CSNK2A2IP: variants seen among roughly 807,000 people sequenced by gnomAD.
CSNK2A2IP encodes casein kinase II subunit alpha'-interacting protein.
At chr3:88,347,901 C>T in the CSNK2A2IP span, among the ~76,000 whole-genome samples, 1 of 151,884 alleles carries the variant, frequency 6.6e-6, no homozygotes. Context: ...TGAGTATCTC[C>T]TGTATTTGCT....
chr3:88,383,400 A>G, the CSNK2A2IP span, among the ~76,000 whole-genome samples: 1 of 152,188 alleles, frequency 6.6e-6, no homozygotes, highest in African/African-American at 2.4e-5. Context: ...GATGATGACA[A>G]TGCACACTTC....
At chr3:88,392,053 G>T in the CSNK2A2IP span, among the ~76,000 whole-genome samples, 1 of 152,152 alleles carries the variant, frequency 6.6e-6, no homozygotes, top group Admixed American at 6.5e-5. Context: ...AGAATCAAAA[G>T]AATTTGTAGT....
At chr3:88,378,613 T>TCTGTA in the CSNK2A2IP span, among the ~76,000 whole-genome samples, 4 of 152,050 alleles carry the variant, frequency 2.6e-5, no homozygotes, top group Non-Finnish European at 5.9e-5. Flanking sequence ...GCTAATGGCT[T>TCTGTA]CTGTACTGAA....
At chr3:88,423,552 T>C in the CSNK2A2IP span, among the ~76,000 whole-genome samples, 1 of 152,048 alleles carries the variant, frequency 6.6e-6, no homozygotes, top group Non-Finnish European at 1.5e-5. Context: ...CAGGTCCTTG[T>C]AGCATGGAAA....
At chr3:88,418,892 T>G in the CSNK2A2IP span, among the ~76,000 whole-genome samples, 1 of 152,088 alleles carries the variant, frequency 6.6e-6, no homozygotes. Context: ...GTATTTACAG[T>G]TTTTCACATC....
the CSNK2A2IP span, among the ~76,000 whole-genome samples, chr3:88,350,050 A>G: frequency 1.3e-5 from 2 of 152,124 alleles, no homozygotes; most frequent in Non-Finnish European, 2.9e-5. Flanking sequence ...CAATAAAATG[A>G]ACAATATGAT....
the CSNK2A2IP span, among the ~76,000 whole-genome samples, chr3:88,371,504 A>T: frequency 6.6e-6 from 1 of 151,816 alleles, no homozygotes; most frequent in Non-Finnish European, 1.5e-5. Context: ...TATCCAACAC[A>T]AAGGGCAGAA....
chr3:88,385,664 AAAGC>A, the CSNK2A2IP span, among the ~76,000 whole-genome samples: 1 of 152,336 alleles, frequency 6.6e-6, no homozygotes, highest in East Asian at 1.9e-4. Flanking sequence ...AGAAATTGGT[AAAGC>A]AAGCAAGGGA....
At chr3:88,421,442 A>C in the CSNK2A2IP span, among the ~76,000 whole-genome samples, 1 of 152,042 alleles carries the variant, frequency 6.6e-6, no homozygotes, top group South Asian at 2.1e-4. Context: ...TTTGAGATGG[A>C]GTCTCACTCT....
the CSNK2A2IP span, among the ~76,000 whole-genome samples, chr3:88,380,958 T>TATATACA: frequency 6.6e-6 from 1 of 152,222 alleles, no homozygotes. Context: ...GAGTTTGGGA[T>TATATACA]GATGTATATT....
the CSNK2A2IP span, among the ~76,000 whole-genome samples, chr3:88,442,157 C>G: frequency 6.6e-6 from 1 of 152,124 alleles, no homozygotes; most frequent in Middle Eastern, 3.2e-3. Context: ...CACATGCACA[C>G]AAACACTAAT....
the CSNK2A2IP span, among the ~76,000 whole-genome samples, chr3:88,433,040 T>C: frequency 6.6e-6 from 1 of 151,960 alleles, no homozygotes; most frequent in Non-Finnish European, 1.5e-5. Context: ...AAAAATTTTA[T>C]ACTGAATTAT....
the CSNK2A2IP span, chr3:88,431,251 C>T: frequency 6.6e-6 from 1 of 152,220 alleles, no homozygotes; most frequent in Non-Finnish European, 1.5e-5. Context: ...ACAGATTGAG[C>T]TCCTTGTTCT....
the CSNK2A2IP span, among the ~76,000 whole-genome samples, chr3:88,448,507 T>C: frequency 6.6e-6 from 1 of 152,240 alleles, no homozygotes; most frequent in African/African-American, 2.4e-5. Flanking sequence ...TCCCATAGTT[T>C]CTTTTAAAGT....
the CSNK2A2IP span, among the ~76,000 whole-genome samples, chr3:88,430,635 T>A: frequency 6.6e-6 from 1 of 152,012 alleles, no homozygotes; most frequent in Non-Finnish European, 1.5e-5. Flanking sequence ...AATATCAGGC[T>A]GGTAAAAATT....
At chr3:88,429,508 A>G in the CSNK2A2IP span, among the ~76,000 whole-genome samples, 7 of 152,258 alleles carry the variant, frequency 4.6e-5, no homozygotes, top group African/African-American at 1.4e-4. Flanking sequence ...ACTTTAATTT[A>G]GGGCAGAAAA....
At chr3:88,394,527 C>A in the CSNK2A2IP span, among the ~76,000 whole-genome samples, 3 of 152,144 alleles carry the variant, frequency 2.0e-5, no homozygotes, top group African/African-American at 7.2e-5. Flanking sequence ...CATCCGCCAC[C>A]ACGGCCAGCG....
chr3:88,444,078 A>G, the CSNK2A2IP span, among the ~76,000 whole-genome samples: 3 of 152,086 alleles, frequency 2.0e-5, no homozygotes, highest in Non-Finnish European at 4.4e-5. Context: ...TCTTTTATAG[A>G]AAGATTTTTC....
chr3:88,442,903 A>G, the CSNK2A2IP span, among the ~76,000 whole-genome samples: 1 of 151,982 alleles, frequency 6.6e-6, no homozygotes, highest in South Asian at 2.1e-4. Context: ...TATTATAATT[A>G]ATTAAGTTAA....
Sources: allele counts gnomAD v4.1 joint callset (sites outside exome capture counted in the v4.1 genomes callset), GRCh38; gene constraint gnomAD v4.1.1; transcripts MANE v1.5; gene names NCBI Gene and HGNC (gene_info 2026-07-23, HGNC 2026-07-21).